ANKS1B: variants seen among roughly 807,000 people sequenced by gnomAD.
ANKS1B encodes ankyrin repeat and sterile alpha motif domain-containing protein 1B.
ANKS1B carries 36 observed loss-of-function variants against 148.3 expected under a neutral mutation model. The observed-to-expected ratio is 0.24, with a 90% confidence interval of 0.19 to 0.32. The LOEUF is 0.32. Ranked by LOEUF, ANKS1B falls within the 10% of genes least tolerant of loss-of-function variation. The pLI is 1.00. For synonymous variants in ANKS1B, 542 were observed against 560.8 expected (o/e 0.97, Z 0.47); for missense variants, 1,157 against 1,542.6 (o/e 0.75, Z 4.19).
At chr12:99,136,326 G>GACCACCAT (rs1414332312) in intron 15 of ANKS1B, among the ~76,000 whole-genome samples, 1 of 152,060 alleles carries the variant, frequency 6.6e-6, no homozygotes, top group Non-Finnish European at 1.5e-5. Flanking sequence ...CTTCAGCAGG[G>GACCACCAT]ACCACCATAC....
At chr12:98,877,431 AT>A (rs1793327912) in intron 17 of ANKS1B, among the ~76,000 whole-genome samples, 2 of 152,244 alleles carry the variant, frequency 1.3e-5, no homozygotes, top group South Asian at 4.1e-4. Context: ...TTCCTGACCC[AT>A]TACTCAGGTA....
chr12:98,776,792 G>T (rs988278427), intron 24 of ANKS1B, among the ~76,000 whole-genome samples: 1 of 152,226 alleles, frequency 6.6e-6, no homozygotes, highest in Non-Finnish European at 1.5e-5. Context: ...TAGACCTAGA[G>T]CTAACTGGTG....
At chr12:99,810,876 TAAG>T (rs2153666060) in intron 3 of ANKS1B, among the ~76,000 whole-genome samples, 2 of 152,076 alleles carry the variant, frequency 1.3e-5, no homozygotes, top group South Asian at 4.1e-4. Context: ...CAGACAATTT[TAAG>T]AATAACCACC....
chr12:99,632,138 C>A (rs7295659), intron 9 of ANKS1B, among the ~76,000 whole-genome samples: 1,815 of 152,266 alleles, frequency 0.012, 25 homozygotes, highest in Admixed American at 0.022. Context: ...TCCATGGTTG[C>A]CCCAGCCATG....
intron 12 of ANKS1B, among the ~76,000 whole-genome samples, chr12:99,307,395 C>G (rs1403311554): frequency 6.6e-6 from 1 of 151,994 alleles, no homozygotes; most frequent in Non-Finnish European, 1.5e-5. Context: ...GGTGAATAAT[C>G]TGGAGTCAAA....
At chr12:99,818,672 AAAAT>A (rs2082158030) in intron 2 of ANKS1B, among the ~76,000 whole-genome samples, 1 of 151,860 alleles carries the variant, frequency 6.6e-6, no homozygotes, top group Admixed American at 6.6e-5. Context: ...TAGAAATGGA[AAAAT>A]ACTTTCCATT....
At chr12:99,454,922 G>T (rs1020337314) in intron 10 of ANKS1B, among the ~76,000 whole-genome samples, 2 of 152,118 alleles carry the variant, frequency 1.3e-5, no homozygotes. Flanking sequence ...TTACTTTTAT[G>T]GACTAAATGT....
chr12:99,965,487 A>T (rs540620174), intron 1 of ANKS1B, among the ~76,000 whole-genome samples: 1 of 152,364 alleles, frequency 6.6e-6, no homozygotes, highest in South Asian at 2.1e-4. Context: ...AAAGGTAATT[A>T]TATATATAGA....
At chr12:99,817,587 C>T (rs2082033357) in intron 2 of ANKS1B, among the ~76,000 whole-genome samples, 1 of 151,578 alleles carries the variant, frequency 6.6e-6, no homozygotes, top group African/African-American at 2.4e-5. Flanking sequence ...AAGGAACCTC[C>T]ATACTTGTCG....
chr12:99,686,848 CAGA>C (rs1343815339), intron 8 of ANKS1B, among the ~76,000 whole-genome samples: 3 of 152,136 alleles, frequency 2.0e-5, no homozygotes, highest in Admixed American at 1.3e-4. Flanking sequence ...TTACTGTACA[CAGA>C]AGATTTTAAT....
At chr12:99,486,759 G>C (rs1054490445) in intron 10 of ANKS1B, among the ~76,000 whole-genome samples, 3 of 152,126 alleles carry the variant, frequency 2.0e-5, no homozygotes, top group African/African-American at 7.2e-5. Flanking sequence ...ACACACTCCT[G>C]TCCTAGTGCT....
chr12:99,781,063 CAAA>C (rs35901124), intron 5 of ANKS1B, among the ~76,000 whole-genome samples: 3 of 120,224 alleles, frequency 2.5e-5, no homozygotes, highest in Non-Finnish European at 3.5e-5. Context: ...CACATAATTG[CAAA>C]AAAAAAAAAA....
chr12:99,910,011 CT>C lies in ANKS1B; in HGVS notation c.134+74092del, dbSNP rs534398169. ...CATATTCCATTCCAAACACAGCATT[CT>C]AGGAAACTATGAAGTATTCTGCAAG... On this transcript the variant is annotated intron_variant, in intron 1 of 26. Transcript: ENST00000683438. 3.9e-5 allele frequency among the ~76,000 whole-genome samples: 6 copies of C among 152,178 alleles called. No homozygotes were observed. In the East Asian group the frequency reaches 1.2e-3, roughly 29 times the overall value.
intron 8 of ANKS1B, among the ~76,000 whole-genome samples, chr12:99,754,464 C>G (rs1387501499): frequency 6.6e-6 from 1 of 152,104 alleles, no homozygotes; most frequent in Non-Finnish European, 1.5e-5. Flanking sequence ...AGTAAATTAA[C>G]AAAGGTATTC....
intron 1 of ANKS1B, among the ~76,000 whole-genome samples, chr12:99,852,690 A>G (rs1481905304): frequency 6.6e-6 from 1 of 152,212 alleles, no homozygotes; most frequent in Non-Finnish European, 1.5e-5. Context: ...CCATAGGAAC[A>G]TATCAGGAAA....
At chr12:99,435,926 A>G (rs150285561) in intron 11 of ANKS1B, among the ~76,000 whole-genome samples, 1 of 151,988 alleles carries the variant, frequency 6.6e-6, no homozygotes, top group South Asian at 2.1e-4. Flanking sequence ...TCAAAAATTC[A>G]TATTTGTCAA....
chr12:99,581,783 C>G (rs1415937549), intron 9 of ANKS1B, among the ~76,000 whole-genome samples: 4 of 150,020 alleles, frequency 2.7e-5, no homozygotes, highest in African/African-American at 9.8e-5. Flanking sequence ...CCCAGCTACT[C>G]GGGAGGCTGA....
At position 99,781,063 on chromosome 12, in the gene ANKS1B, C is replaced by CAAAAAAAA. The variant is rs35901124; in HGVS notation, c.745+951_745+958dup. The stretch of plus-strand genomic sequence containing the variant: ...TATGAATTTTCCAAACACATAATTG[C>CAAAAAAAA]AAAAAAAAAAAAAAAAGCCAGTTTA... On this transcript the variant is annotated intron_variant, in intron 5 of 26. Transcript: ENST00000683438. 3.3e-5 allele frequency among the ~76,000 whole-genome samples: 4 copies of CAAAAAAAA among 120,234 alleles called. 1 individual carries two copies. Among genetic ancestry groups the CAAAAAAAA allele is most frequent in the Non-Finnish European group, 7.0e-5 (4 of 57,472 alleles). 78.9% of individuals were successfully genotyped at this position (120,234 alleles called of 152,430 possible). A position where few individuals can be genotyped will look rare whatever the true frequency, so the allele number is the denominator to read the frequency against.
intron 17 of ANKS1B, among the ~76,000 whole-genome samples, chr12:98,870,966 G>A (rs548566627): frequency 1.3e-5 from 2 of 152,312 alleles, no homozygotes; most frequent in African/African-American, 2.4e-5. Flanking sequence ...AGTAGGGGCA[G>A]GGAAGGTGCC....
Sources: gnomAD v4.1 joint callset for allele counts (sites outside exome capture counted in the v4.1 genomes callset) on GRCh38, gnomAD v4.1.1 for gene constraint, MANE v1.5 for transcripts, NCBI Gene and HGNC (gene_info 2026-07-23, HGNC 2026-07-21) for gene names.